SCD: variants seen among roughly 807,000 people sequenced by gnomAD.
SCD encodes stearoyl-CoA desaturase, also known as acyl-CoA desaturase.
SCD carries 4 observed loss-of-function variants against 35.7 expected under a neutral mutation model. That is an observed-to-expected ratio of 0.11 (90% confidence interval 0.06 to 0.26). The LOEUF is 0.26. SCD is among the 10% of genes least tolerant of loss of function. SCD has a pLI of 1.00. For missense variants in SCD, 282 were observed against 460.7 expected (o/e 0.61, Z 3.55); for synonymous variants, 150 against 170.2 (o/e 0.88, Z 0.92).
rs1420000307 is a variant in SCD, at chr10:100,352,596, C to T, written c.441+100C>T. ...ACCAGAGAGGAGCCACACCTGACAG[C>T]CATTTCACTTTCCTCTCTCCTGTAG... On this transcript the variant is annotated intron_variant, in intron 3 of 5. Coordinates refer to ENST00000370355, the MANE Select transcript of SCD (RefSeq NM_005063.5). This position sits in a 1 kb window ranked among gnomAD's most constrained non-coding sequence, Gnocchi z 4.2. 8.7e-7 allele frequency: 1 copy of T among 1,151,764 alleles called. No individual in the cohort carries two copies. Among genetic ancestry groups the T allele is most frequent in the African/African-American group, 1.5e-5 (1 of 65,922 alleles). 71.3% of individuals were successfully genotyped at this position (1,151,764 alleles called of 1,614,324 possible).
intron 2 of SCD, among the ~76,000 whole-genome samples, chr10:100,349,803 T>A (rs937697235): frequency 1.3e-5 from 2 of 151,984 alleles, no homozygotes; most frequent in Admixed American, 1.3e-4. Flanking sequence ...GTCTAGCCCC[T>A]CTGAGGATCC....
chr10:100,350,480 A>G lies in SCD; in HGVS notation c.311-1886A>G, dbSNP rs140370520. ...AATGCCTCTGGCAACACTGAGAGCC[A>G]GAGGCAAAACCATTCAAGTCTCTTT... On this transcript the variant is annotated intron_variant, in intron 2 of 5. Transcript: ENST00000370355. 8.6e-3 allele frequency among the ~76,000 whole-genome samples: 1,315 copies of G among 152,280 alleles called. 8 individuals carry two copies. Among genetic ancestry groups the G allele is most frequent in the Non-Finnish European group, 0.015 (1,051 of 67,996 alleles).
chr10:100,364,426 A>G lies in SCD; in HGVS notation c.*3493A>G, dbSNP rs985861294. Reference sequence around the variant, plus strand: ...CAAAGGGCAGTTTTGAGGCATGACTAATGCTTTTTAGAAAGCATTTTGGGA... The same window carrying G: ...CAAAGGGCAGTTTTGAGGCATGACTGATGCTTTTTAGAAAGCATTTTGGGA... On this transcript the variant is annotated 3_prime_UTR_variant, in exon 6 of 6. Transcript: ENST00000370355. 2 of 152,604 alleles carry G rather than the reference A, an allele frequency of 1.3e-5. No individual in the cohort carries two copies. The highest frequency in any genetic ancestry group is 2.4e-5 in the African/African-American group (1 of 41,426). The allele number at this position is 152,604 out of a possible 1,614,324, so 9.5% of individuals were successfully genotyped here.
chr10:100,354,032 C>T (rs1345278027), intron 3 of SCD, among the ~76,000 whole-genome samples: 1 of 152,242 alleles, frequency 6.6e-6, no homozygotes, highest in East Asian at 1.9e-4. Context: ...CCCTAGGACA[C>T]AAGGCTGCCT....
chr10:100,361,154 G>T lies in SCD; in HGVS notation c.*221G>T. 1 of 551,262 alleles carries T rather than the reference G, an allele frequency of 1.8e-6. No homozygotes were observed. Among genetic ancestry groups the T allele is most frequent in the South Asian group, 2.2e-5 (1 of 45,868 alleles). The allele number at this position is 551,262 out of a possible 1,614,324, so 34.1% of individuals were successfully genotyped here. A position where few individuals can be genotyped will look rare whatever the true frequency, so the allele number is the denominator to read the frequency against. ...CTTCTCTTATCCTCTCTCTCTTCTA[G>T]GCCCATTGTCCTCCTTTTCACTTTA... On this transcript the variant is annotated 3_prime_UTR_variant, in exon 6 of 6. Coordinates refer to ENST00000370355, the MANE Select transcript of SCD (RefSeq NM_005063.5).
intron 4 of SCD, among the ~76,000 whole-genome samples, chr10:100,355,138 G>A (rs2133594743): frequency 6.6e-6 from 1 of 152,272 alleles, no homozygotes; most frequent in Admixed American, 6.5e-5. Context: ...TATTGCCCAG[G>A]CCGGTAGCTT....
chr10:100,356,852 T>G lies in SCD; in HGVS notation c.880+88T>G. The G allele has an allele frequency of 2.0e-6, 2 of 1,024,860 alleles. No individual in the cohort carries two copies. Among genetic ancestry groups the G allele is most frequent in the Non-Finnish European group, 1.5e-6 (1 of 679,108 alleles). 63.5% of individuals were successfully genotyped at this position (1,024,860 alleles called of 1,614,324 possible). A position where few individuals can be genotyped will look rare whatever the true frequency, so the allele number is the denominator to read the frequency against. ...AGCCAGAAAAACTAGATAAATCTGTTTTTTATGGCTACTTTGTATCTCAGT... is the reference window on the plus strand; with the variant it reads ...AGCCAGAAAAACTAGATAAATCTGTGTTTTATGGCTACTTTGTATCTCAGT... On this transcript the variant is annotated intron_variant, in intron 5 of 5. Transcript: ENST00000370355. The surrounding 1 kb of genome is among the most constrained non-coding windows in gnomAD (Gnocchi z 4.1).
chr10:100,360,671 G>A (rs1453055175), intron 5 of SCD, 63 bp from the exon 6 acceptor site: 67 of 1,405,886 alleles, frequency 4.8e-5, no homozygotes, highest in Admixed American at 6.7e-5. Context: ...TAGCTAACTG[G>A]TGTGCACAAA....
rs759690135 is a variant in SCD, at chr10:100,348,056, C to A, written c.28-8C>A. 7.4e-6 allele frequency: 12 copies of A among 1,611,948 alleles called. No homozygotes were observed. The highest frequency in any genetic ancestry group is 1.0e-5 in the Non-Finnish European group (12 of 1,178,958). Reference sequence around the variant, plus strand: ...TTCTCCTGACTCTCCTCTTCCTCCCCCTTCCAGATCTCTAGCTCCTATACC... The same window carrying A: ...TTCTCCTGACTCTCCTCTTCCTCCCACTTCCAGATCTCTAGCTCCTATACC... On this transcript the variant is annotated splice_polypyrimidine_tract_variant and splice_region_variant and intron_variant, in intron 1 of 5. Coordinates refer to ENST00000370355, the MANE Select transcript of SCD (RefSeq NM_005063.5).
chr10:100,350,670 T>A (rs1397579451), intron 2 of SCD, among the ~76,000 whole-genome samples: 1 of 152,216 alleles, frequency 6.6e-6, no homozygotes, highest in Non-Finnish European at 1.5e-5. Flanking sequence ...CTTTCCCCAA[T>A]TTCCCTGTTA....
Position 100,348,058 on chromosome 10 carries a change from T to G in SCD, c.28-6T>G, listed in dbSNP as rs764616010. On this transcript the variant is annotated splice_polypyrimidine_tract_variant and splice_region_variant and intron_variant, in intron 1 of 5. Transcript: ENST00000370355. ...CTCCTGACTCTCCTCTTCCTCCCCC[T>G]TCCAGATCTCTAGCTCCTATACCAC... 1.2e-6 allele frequency: 2 copies of G among 1,612,570 alleles called. No individual in the cohort carries two copies. The highest frequency in any genetic ancestry group is 2.2e-5 in the South Asian group (2 of 91,024).
In SCD at chr10:100,360,794, G is replaced by A. The variant is rs2133598108; in HGVS notation, c.941G>A (p.Arg314His). 3 of 1,613,712 alleles carry A rather than the reference G, an allele frequency of 1.9e-6. No homozygotes were observed. Among genetic ancestry groups the A allele is most frequent in the African/African-American group, 1.3e-5 (1 of 75,008 alleles). The part of the protein sequence containing the change: ...FPYDYSASEY[R>H]WHINFTTFFI... ...TATGACTACTCTGCCAGTGAGTACC[G>A]CTGGCACATCAACTTCACCACATTC... The change falls in exon 6 of 6, where the codon CGC (arginine) becomes CAC (histidine). Residue 314 changes from arginine to histidine, a missense_variant. Around this residue, in one of 2 missense-constraint regions of SCD, gnomAD observed 205 missense variants for 372.3 expected, o/e 0.55. Transcript: ENST00000370355.
rs1222127665 is a variant in SCD, at chr10:100,364,356, C to T, written c.*3423C>T. 1 of 152,570 alleles carries T rather than the reference C, an allele frequency of 6.6e-6. No homozygotes were observed. Among genetic ancestry groups the T allele is most frequent in the Non-Finnish European group, 1.5e-5 (1 of 68,040 alleles). 9.5% of individuals were successfully genotyped at this position (152,570 alleles called of 1,614,324 possible). ...CAAGTCACTTAACTATAAGGTGCCT[C>T]AGTTTTCCTTCTGTTAAAATGGGGA... On this transcript the variant is annotated 3_prime_UTR_variant, in exon 6 of 6. Transcript: ENST00000370355.
Position 100,352,591 on chromosome 10 carries a change from G to C in SCD, c.441+95G>C. On this transcript the variant is annotated intron_variant, in intron 3 of 5. Coordinates refer to ENST00000370355, the MANE Select transcript of SCD (RefSeq NM_005063.5). The surrounding 1 kb of genome is among the most constrained non-coding windows in gnomAD (Gnocchi z 4.2). ...TCAGCACCAGAGAGGAGCCACACCT[G>C]ACAGCCATTTCACTTTCCTCTCTCC... The C allele has an allele frequency of 8.3e-7, 1 of 1,209,468 alleles. No homozygotes were observed. The highest frequency in any genetic ancestry group is 1.2e-6 in the Non-Finnish European group (1 of 841,036). 74.9% of individuals were successfully genotyped at this position (1,209,468 alleles called of 1,614,324 possible).
At chr10:100,354,021 AC>A (rs765239756) in intron 3 of SCD, among the ~76,000 whole-genome samples, 23 of 152,176 alleles carry the variant, frequency 1.5e-4, no homozygotes, top group Admixed American at 1.3e-3. Flanking sequence ...ACTGATTGAG[AC>A]CCTAGGACAC....
rs1307754720 is a variant in SCD at position 100,363,706 on chromosome 10, C to G, written c.*2773C>G. 6.6e-6 allele frequency: 1 copy of G among 152,580 alleles called. No individual in the cohort carries two copies. The highest frequency in any genetic ancestry group is 2.1e-4 in the South Asian group (1 of 4,832). 9.5% of individuals were successfully genotyped at this position (152,580 alleles called of 1,614,324 possible). A position where few individuals can be genotyped will look rare whatever the true frequency, so the allele number is the denominator to read the frequency against. The stretch of plus-strand genomic sequence containing the variant: ...GCTGAGGGCCCCAATGTATGTGTGG[C>G]TGTGGGTGTGGGTGGGAGTGTGTCT... On this transcript the variant is annotated 3_prime_UTR_variant, in exon 6 of 6. Transcript: ENST00000370355.
chr10:100,356,788 C>T lies in SCD; in HGVS notation c.880+24C>T. On this transcript the variant is annotated intron_variant, in intron 5 of 5. Transcript: ENST00000370355. The surrounding 1 kb of genome is among the most constrained non-coding windows in gnomAD (Gnocchi z 4.1). ...GGGTAAGTCAGCTGTCCAAGTAAGACTACATCCAGTGGTCTGCTGATTAGG... is the reference window on the plus strand; with the variant it reads ...GGGTAAGTCAGCTGTCCAAGTAAGATTACATCCAGTGGTCTGCTGATTAGG... 1.3e-6 allele frequency: 2 copies of T among 1,583,864 alleles called. No individual in the cohort carries two copies. The highest frequency in any genetic ancestry group is 1.7e-6 in the Non-Finnish European group (2 of 1,152,942).
intron 5 of SCD, among the ~76,000 whole-genome samples, chr10:100,358,400 G>A (rs1465934879): frequency 6.6e-6 from 1 of 151,344 alleles, no homozygotes. Flanking sequence ...GACCATCCTG[G>A]CTAACAAGGT....
intron 3 of SCD, among the ~76,000 whole-genome samples, chr10:100,353,395 C>G (rs1849891521): frequency 6.6e-6 from 1 of 152,062 alleles, no homozygotes; most frequent in Non-Finnish European, 1.5e-5. Flanking sequence ...ATCATCCTGG[C>G]TAACACAGTG....
Sources: allele counts gnomAD v4.1 joint callset (sites outside exome capture counted in the v4.1 genomes callset), GRCh38; gene constraint gnomAD v4.1.1; regional missense constraint gnomAD v4.1.1; non-coding constraint Gnocchi (gnomAD v3.1); transcripts MANE v1.5; gene names NCBI Gene and HGNC (gene_info 2026-07-23, HGNC 2026-07-21).